TLK2: variants seen among roughly 807,000 people sequenced by gnomAD.
TLK2 encodes the protein serine/threonine-protein kinase tousled-like 2.
A neutral mutation model predicts 117.3 loss-of-function variants in TLK2; 6 were observed. That is an observed-to-expected ratio of 0.05 (90% CI 0.03 to 0.10). The LOEUF is 0.10. Among genes scored for constraint, TLK2 ranks in the 10% least tolerant of loss-of-function variants. The pLI, the probability that TLK2 is intolerant of heterozygous loss-of-function variation, is 1.00. For missense variants in TLK2, 299 were observed against 901.2 expected (o/e 0.33, Z 8.56); for synonymous variants, 257 against 316.7 (o/e 0.81, Z 2.00).
chr17:62,522,764 A>G (rs1045380318), intron 4 of TLK2, among the ~76,000 whole-genome samples: 4 of 152,220 alleles, frequency 2.6e-5, no homozygotes, highest in Non-Finnish European at 5.9e-5. Flanking sequence ...AAAGAAAGAA[A>G]AAATGGCTTG....
chr17:62,553,139 A>G (rs1455065095), intron 8 of TLK2, among the ~76,000 whole-genome samples: 2 of 152,122 alleles, frequency 1.3e-5, no homozygotes, highest in Admixed American at 6.6e-5. Flanking sequence ...ATCGTTGGCA[A>G]TCTAGGAGAA....
In TLK2 at chr17:62,479,191, G is replaced by T. The variant is rs1015962773; in HGVS notation, c.-105G>T. On this transcript the variant is annotated 5_prime_UTR_variant, in exon 1 of 22. Coordinates refer to ENST00000346027, the MANE Select transcript of TLK2 (RefSeq NM_006852.6). ...GGCGCTCAGGAGAGGCCCCGGCTCC[G>T]CCCCGGGCCTGCCCAGGGGGAGAGC... The T allele has an allele frequency of 6.6e-6, 1 of 151,944 alleles. No individual in the cohort carries two copies. Among genetic ancestry groups the T allele is most frequent in the African/African-American group, 2.4e-5 (1 of 41,306 alleles). The allele number at this position is 151,944 out of a possible 1,614,324, so 9.4% of individuals were successfully genotyped here.
At chr17:62,485,952 C>T (rs1213388984) in intron 2 of TLK2, among the ~76,000 whole-genome samples, 1 of 150,612 alleles carries the variant, frequency 6.6e-6, no homozygotes, top group Non-Finnish European at 1.5e-5. Flanking sequence ...TCCCGAGTAG[C>T]TGGGACTGCA....
At chr17:62,474,021 G>A (rs1421520791), upstream of TLK2, among the ~76,000 whole-genome samples, 2 of 152,078 alleles carry the variant, frequency 1.3e-5, no homozygotes, top group African/African-American at 2.4e-5. Flanking sequence ...TCAGCTTGCC[G>A]AGTAGCTGGG....
chr17:62,612,641 A>G lies in TLK2; in HGVS notation c.*76A>G. 1 of 1,424,576 alleles carries G rather than the reference A, an allele frequency of 7.0e-7. No homozygotes were observed. Among genetic ancestry groups the G allele is most frequent in the Non-Finnish European group, 9.6e-7 (1 of 1,046,100 alleles). 88.2% of individuals were successfully genotyped at this position (1,424,576 alleles called of 1,614,324 possible). A position where few individuals can be genotyped will look rare whatever the true frequency, so the allele number is the denominator to read the frequency against. On this transcript the variant is annotated 3_prime_UTR_variant, in exon 22 of 22. Transcript: ENST00000346027. ...GCGTTCAGCAGCGGGTTTGGAACAT[A>G]GCGAATCCGAATGGATCTGATGAAA...
chr17:62,607,406 G>A (rs1016563683), intron 20 of TLK2, among the ~76,000 whole-genome samples: 1 of 151,728 alleles, frequency 6.6e-6, no homozygotes, highest in Admixed American at 6.6e-5. Flanking sequence ...GCGGGTGCCT[G>A]TAGTCCCAGC....
At chr17:62,555,838 G>A (rs1272598554) in intron 9 of TLK2, among the ~76,000 whole-genome samples, 1 of 152,028 alleles carries the variant, frequency 6.6e-6, no homozygotes, top group African/African-American at 2.4e-5. Flanking sequence ...CCAGGCTGGA[G>A]TGCAGTGGCG....
intron 16 of TLK2, among the ~76,000 whole-genome samples, chr17:62,593,245 A>C (rs1459322757): frequency 6.6e-6 from 1 of 152,176 alleles, no homozygotes; most frequent in Non-Finnish European, 1.5e-5. Context: ...AATTTGCAAA[A>C]CTGGAAGTTG....
intron 12 of TLK2, chr17:62,574,257 C>A (rs749899479): frequency 6.6e-7 from 1 of 1,507,578 alleles, no homozygotes; most frequent in Non-Finnish European, 8.8e-7. Flanking sequence ...TAACACCAAT[C>A]CTCACCCCAT....
intron 12 of TLK2, 138 bp from the exon 13 acceptor site, chr17:62,576,571 T>C (rs1254100230): frequency 4.5e-6 from 3 of 670,894 alleles, no homozygotes; most frequent in Non-Finnish European, 7.9e-6. Flanking sequence ...GTCAGAGGAC[T>C]ACAAGATAAC....
At position 62,573,315 on chromosome 17, in the gene TLK2, A is replaced by G. The variant is rs770793880; in HGVS notation, c.1069A>G (p.Thr357Ala). 6.2e-7 allele frequency: 1 copy of G among 1,614,038 alleles called. No homozygotes were observed. Among genetic ancestry groups the G allele is most frequent in the Non-Finnish European group, 8.5e-7 (1 of 1,180,004 alleles). ...TGCCATGGGTCAGGCCCCTCCTGCA[A>G]CCAATGAGCAGAAACAGCGGAAAAG... The part of the protein sequence containing the change: ...PPAMGQAPPA[T>A]NEQKQRKSKT... Residue 357 changes from threonine (T) to alanine (A), a missense_variant, in exon 12 of 22, where the codon ACC becomes GCC. Physicochemically the swap from Thr to Ala is moderately conservative, Grantham distance 58 (BLOSUM62 0). Coordinates refer to ENST00000346027, the MANE Select transcript of TLK2 (RefSeq NM_006852.6).
intron 6 of TLK2, among the ~76,000 whole-genome samples, chr17:62,530,168 G>A (rs901936028): frequency 2.0e-5 from 3 of 152,096 alleles, no homozygotes; most frequent in Non-Finnish European, 2.9e-5. Flanking sequence ...CTGCCACTCA[G>A]GAGGCTGAGG....
rs879046981 is a variant in TLK2, at chr17:62,602,261, T to C, written c.1859+81T>C. ...GAAGTGTTGATAATGAATTAATTGC[T>C]GTATGCTATCTGCTAGGCAAAAATG... is the stretch of plus-strand genomic sequence containing the variant. On this transcript the variant is annotated intron_variant, in intron 19 of 21. Transcript: ENST00000346027. 2.8e-5 allele frequency: 41 copies of C among 1,449,544 alleles called. No individual in the cohort carries two copies. In the South Asian group the frequency reaches 6.2e-4, roughly 22 times the overall value. 89.8% of individuals were successfully genotyped at this position (1,449,544 alleles called of 1,614,324 possible).
chr17:62,608,273 G>A (rs958756065), intron 21 of TLK2, 125 bp downstream of exon 21: 3 of 729,986 alleles, frequency 4.1e-6, no homozygotes. Flanking sequence ...ATTAGGATAG[G>A]CATGAATTAA....
intron 9 of TLK2, among the ~76,000 whole-genome samples, chr17:62,556,698 T>C (rs572100319): frequency 6.6e-6 from 1 of 152,154 alleles, no homozygotes; most frequent in Non-Finnish European, 1.5e-5. Flanking sequence ...TATATGTGGG[T>C]TTATATATTT....
chr17:62,475,508 A>G (rs1171141325), upstream of TLK2, among the ~76,000 whole-genome samples: 1 of 151,914 alleles, frequency 6.6e-6, no homozygotes, highest in African/African-American at 2.4e-5. Context: ...ACGCTCAGCT[A>G]ATTTAAAAAA....
At chr17:62,592,748 T>C (rs944699741) in intron 16 of TLK2, among the ~76,000 whole-genome samples, 2 of 152,222 alleles carry the variant, frequency 1.3e-5, no homozygotes, top group South Asian at 4.1e-4. Context: ...TTATTTCTAT[T>C]AGTGTTACAT....
At chr17:62,586,264 A>T in intron 16 of TLK2, 38 bp downstream of exon 16, 1 of 1,418,842 alleles carries the variant, frequency 7.0e-7, no homozygotes, top group South Asian at 1.2e-5. Context: ...TTAAAATTAA[A>T]TAATACCTGT....
intron 15 of TLK2, among the ~76,000 whole-genome samples, chr17:62,582,891 A>C (rs2081319869): frequency 6.6e-6 from 1 of 152,152 alleles, no homozygotes; most frequent in Admixed American, 6.5e-5. Flanking sequence ...ACGTCTTTTT[A>C]TAATCAGCTT....
Sources: gnomAD v4.1 joint callset for allele counts (sites outside exome capture counted in the v4.1 genomes callset) on GRCh38, gnomAD v4.1.1 for gene constraint, MANE v1.5 for transcripts, NCBI Gene and HGNC (gene_info 2026-07-23, HGNC 2026-07-21) for gene names.